Variants in OR51B5 observed in about 807,000 individuals in gnomAD.
OR51B5 encodes the protein olfactory receptor family 51 subfamily B member 5.
For synonymous variants in OR51B5, 186 were observed against 144.8 expected, an observed-to-expected ratio of 1.28 and a Z score of -2.04; for missense variants, 456 against 374.6, an observed-to-expected ratio of 1.22 and a Z score of -1.79.
At chr11:5,450,254 T>TG (rs1410789396) in intron 1 of OR51B5, among the ~76,000 whole-genome samples, 2 of 152,060 alleles carry the variant, frequency 1.3e-5, no homozygotes, top group African/African-American at 4.8e-5. Flanking sequence ...CCAGGCGTGG[T>TG]GGCAGGCGCC....
intron 1 of OR51B5, among the ~76,000 whole-genome samples, chr11:5,462,140 C>T (rs1851065392): frequency 6.6e-6 from 1 of 152,106 alleles, no homozygotes; most frequent in East Asian, 1.9e-4. Context: ...TTTTGTCTTG[C>T]CCTGTCATGG....
At chr11:5,390,207 T>C (rs762719357) in intron 1 of OR51B5, 1 of 1,614,026 alleles carries the variant, frequency 6.2e-7, no homozygotes, top group South Asian at 1.1e-5. Flanking sequence ...ATGATGGGGC[T>C]GTCCCTGGTG....
At chr11:5,412,886 G>A (rs1250552566) in intron 1 of OR51B5, among the ~76,000 whole-genome samples, 1 of 152,002 alleles carries the variant, frequency 6.6e-6, no homozygotes, top group Non-Finnish European at 1.5e-5. Context: ...CAAGAAAACA[G>A]CAGTAACCTC....
intron 1 of OR51B5, among the ~76,000 whole-genome samples, chr11:5,404,538 G>C (rs867023167): frequency 1.3e-5 from 2 of 152,008 alleles, no homozygotes; most frequent in Non-Finnish European, 2.9e-5. Flanking sequence ...ACCAATCAGT[G>C]CTCTGTAAAA....
chr11:5,431,936 A>G (rs139310091), intron 1 of OR51B5, among the ~76,000 whole-genome samples: 2 of 152,352 alleles, frequency 1.3e-5, no homozygotes, highest in South Asian at 2.1e-4. Context: ...TACAAGTGAC[A>G]TTGTGTCACA....
chr11:5,422,382 T>A lies in OR51B5; in HGVS notation n.85-75472A>T, dbSNP rs752772366. 3.1e-6 allele frequency: 5 copies of A among 1,614,174 alleles called. No individual in the cohort carries two copies. In the South Asian group the frequency reaches 5.5e-5, roughly 18 times the overall value. ...ACAGAGCCATCTGTCCACCAGCGCATGTATCTGTTTCTCTCCATGCTGGCC... is the reference window on the plus strand; with the variant it reads ...ACAGAGCCATCTGTCCACCAGCGCAAGTATCTGTTTCTCTCCATGCTGGCC... On this transcript the variant is annotated intron_variant and non_coding_transcript_variant, in intron 1 of 4. Coordinates refer to the OR51B5 transcript ENST00000415970.
intron 1 of OR51B5, among the ~76,000 whole-genome samples, chr11:5,398,544 TGTG>T: frequency 6.6e-6 from 1 of 152,288 alleles, no homozygotes; most frequent in Non-Finnish European, 1.5e-5. Context: ...CAGTTTCACT[TGTG>T]GTGAGTGCAC....
chr11:5,401,117 T>G (rs1427404314), intron 1 of OR51B5, among the ~76,000 whole-genome samples: 1 of 152,162 alleles, frequency 6.6e-6, no homozygotes, highest in East Asian at 1.9e-4. Context: ...ACACACCCAA[T>G]CCAGGCAGGT....
At chr11:5,390,312 G>A (rs868041924) in intron 1 of OR51B5, 1 of 1,613,554 alleles carries the variant, frequency 6.2e-7, no homozygotes, top group Non-Finnish European at 8.5e-7. Context: ...ATCATATACA[G>A]CATTAAGACC....
At chr11:5,340,344 T>TATTA (rs1442048616), downstream of OR51B5, 2 of 152,108 alleles carry the variant, frequency 1.3e-5, no homozygotes, top group East Asian at 3.9e-4. Context: ...TCTTTTTATT[T>TATTA]ATTATCATTT....
chr11:5,477,850 C>A (rs548425948), intron 1 of OR51B5, among the ~76,000 whole-genome samples: 12 of 152,328 alleles, frequency 7.9e-5, no homozygotes, highest in Non-Finnish European at 1.3e-4. Context: ...GCACCTGGCT[C>A]GGAGGGTCCT....
upstream of OR51B5, among the ~76,000 whole-genome samples, chr11:5,347,153 T>A (rs930426006): frequency 6.6e-6 from 1 of 152,178 alleles, no homozygotes; most frequent in African/African-American, 2.4e-5. Context: ...CAGCCTGTCT[T>A]CATAGCCCCA....
intron 1 of OR51B5, chr11:5,402,842 T>C (rs1281759178): frequency 2.1e-6 from 1 of 471,694 alleles, no homozygotes; most frequent in East Asian, 6.9e-5. Context: ...CCACCCTGCC[T>C]ACAGTGTTAG....
chr11:5,470,358 A>T (rs988422033), intron 1 of OR51B5, among the ~76,000 whole-genome samples: 1 of 152,122 alleles, frequency 6.6e-6, no homozygotes, highest in Admixed American at 6.5e-5. Context: ...AACAATCACA[A>T]ACTTCAGCAA....
At chr11:5,395,876 C>A (rs1421895492) in intron 1 of OR51B5, among the ~76,000 whole-genome samples, 4 of 152,136 alleles carry the variant, frequency 2.6e-5, no homozygotes, top group Non-Finnish European at 5.9e-5. Context: ...GAGCTCACTG[C>A]AACATTGCTC....
At chr11:5,400,683 T>A (rs1025173806) in intron 1 of OR51B5, among the ~76,000 whole-genome samples, 2 of 152,216 alleles carry the variant, frequency 1.3e-5, no homozygotes, top group Non-Finnish European at 1.5e-5. Context: ...GACGACTGTA[T>A]TTGAATATCT....
chr11:5,346,298 C>T (rs1057086737), upstream of OR51B5: 2 of 152,118 alleles, frequency 1.3e-5, no homozygotes, highest in Non-Finnish European at 2.9e-5. Flanking sequence ...TATGGAATCA[C>T]TCTACTTTGT....
intron 1 of OR51B5, among the ~76,000 whole-genome samples, chr11:5,353,135 C>T: frequency 2.0e-5 from 3 of 152,008 alleles, no homozygotes; most frequent in Middle Eastern, 6.8e-3. Flanking sequence ...TGAGAGTAAG[C>T]CATTTCCCTC....
chr11:5,440,854 C>T (rs751803177), intron 1 of OR51B5: 9 of 1,613,566 alleles, frequency 5.6e-6, no homozygotes, highest in African/African-American at 4.0e-5. Context: ...AGGATCAATG[C>T]GTAGGAAAGC....
Sources: gnomAD v4.1 joint callset for allele counts (sites outside exome capture counted in the v4.1 genomes callset) on GRCh38, gnomAD v4.1.1 for gene constraint, MANE v1.5 for transcripts, NCBI Gene and HGNC (gene_info 2026-07-23, HGNC 2026-07-21) for gene names.